Variants in PPP5C observed in about 807,000 individuals in gnomAD.
PPP5C encodes the protein serine/threonine-protein phosphatase 5.
A neutral mutation model predicts 66.7 loss-of-function variants in PPP5C; 21 were observed. That is an observed-to-expected ratio of 0.31 (90% confidence interval 0.22 to 0.45). The LOEUF (loss-of-function observed/expected upper bound fraction) is 0.45. Among genes scored for constraint, PPP5C ranks in the 20% least tolerant of loss-of-function variants. The pLI is 1.00. For missense variants in PPP5C, 464 were observed against 675.9 expected, an observed-to-expected ratio of 0.69 and a Z score of 3.48; for synonymous variants, 246 against 257.4, an observed-to-expected ratio of 0.96 and a Z score of 0.43.
At chr19:46,349,533 GT>G (rs1404223059) in intron 1 of PPP5C, among the ~76,000 whole-genome samples, 1 of 151,802 alleles carries the variant, frequency 6.6e-6, no homozygotes, top group Non-Finnish European at 1.5e-5. Context: ...TGAGAGGGAG[GT>G]AGGACCAGTG....
rs766975033 is a variant in PPP5C, at chr19:46,386,964, C to T, written c.905-129C>T. 47 of 1,325,906 alleles carry T rather than the reference C, an allele frequency of 3.5e-5. No homozygotes were observed. In the African/African-American group the frequency reaches 4.0e-4, roughly 11 times the overall value. 82.1% of individuals were successfully genotyped at this position (1,325,906 alleles called of 1,614,324 possible). On this transcript the variant is annotated intron_variant, in intron 7 of 12. Transcript: ENST00000012443. Reference sequence around the variant, plus strand: ...TTGGTACCTCCAGTCTGGAAGGCACCGCAGTGGCAAGTGCGAGGCCCATGG... The same window carrying T: ...TTGGTACCTCCAGTCTGGAAGGCACTGCAGTGGCAAGTGCGAGGCCCATGG...
chr19:46,385,862 T>C (rs866121955), intron 7 of PPP5C, among the ~76,000 whole-genome samples: 13 of 150,514 alleles, frequency 8.6e-5, no homozygotes, highest in African/African-American at 2.9e-4. Flanking sequence ...AAGGATTGCT[T>C]GAGCCCAGGA....
At chr19:46,368,698 T>G (rs1972532695) in intron 2 of PPP5C, among the ~76,000 whole-genome samples, 1 of 152,210 alleles carries the variant, frequency 6.6e-6, no homozygotes, top group African/African-American at 2.4e-5. Flanking sequence ...TACATAGATT[T>G]TACCCCTCAC....
In PPP5C at chr19:46,376,427, C is replaced by T. The variant is rs1300096988; in HGVS notation, c.512-26C>T. 1.2e-6 allele frequency: 2 copies of T among 1,610,848 alleles called. No individual in the cohort carries two copies. Among genetic ancestry groups the T allele is most frequent in the South Asian group, 1.1e-5 (1 of 90,796 alleles). On this transcript the variant is annotated intron_variant, in intron 3 of 12. Transcript: ENST00000012443. This position sits in a 1 kb window ranked among gnomAD's most constrained non-coding sequence, Gnocchi z 5.1. ...CTCATAGTGGCTGTGGTCACTGACT[C>T]TCGTGTCCCGTTGTTCACACCCTAG...
intron 2 of PPP5C, among the ~76,000 whole-genome samples, chr19:46,355,087 T>C (rs944487058): frequency 7.9e-5 from 12 of 152,166 alleles, no homozygotes; most frequent in Non-Finnish European, 1.8e-4. Context: ...AGGGGTGAAG[T>C]CACCTGCCCA....
At chr19:46,374,943 G>T (rs569130121) in intron 2 of PPP5C, among the ~76,000 whole-genome samples, 1 of 152,318 alleles carries the variant, frequency 6.6e-6, no homozygotes, top group South Asian at 2.1e-4. Flanking sequence ...GTGACCCTCA[G>T]TTCCTCTCTT....
intron 2 of PPP5C, among the ~76,000 whole-genome samples, chr19:46,367,137 G>A (rs1972504311): frequency 2.0e-5 from 3 of 152,136 alleles, no homozygotes; most frequent in Admixed American, 2.0e-4. Context: ...TTCACCAGAT[G>A]GTGTGAAAGC....
chr19:46,375,020 C>T lies in PPP5C; in HGVS notation c.364-584C>T, dbSNP rs558154935. Among the ~76,000 whole-genome samples, 4 of 152,342 alleles carry T rather than the reference C, an allele frequency of 2.6e-5. No homozygotes were observed. In the South Asian group the frequency reaches 6.2e-4, roughly 24 times the overall value. On this transcript the variant is annotated intron_variant, in intron 2 of 12. Coordinates refer to ENST00000012443, the MANE Select transcript of PPP5C (RefSeq NM_006247.4). ...AGAGTGTGAGGGAGGGAAGTAACAG[C>T]ACTCGGTGCTGCTGCCCACCTGCCC...
intron 6 of PPP5C, chr19:46,384,288 T>C: frequency 3.8e-6 from 1 of 265,404 alleles, no homozygotes; most frequent in Non-Finnish European, 7.3e-6. Context: ...AGAGGGATAA[T>C]AATATGTGCA....
intron 1 of PPP5C, among the ~76,000 whole-genome samples, chr19:46,348,948 G>A (rs1400806500): frequency 6.6e-6 from 1 of 152,200 alleles, no homozygotes; most frequent in Non-Finnish European, 1.5e-5. Flanking sequence ...TTATTGGGGA[G>A]TGATGGGGGT....
chr19:46,378,303 A>G (rs2037517458), intron 4 of PPP5C, among the ~76,000 whole-genome samples: 1 of 152,106 alleles, frequency 6.6e-6, no homozygotes, highest in African/African-American at 2.4e-5. Context: ...ATATTTGGGG[A>G]CTTCTAGATG....
At chr19:46,351,395 T>A (rs1972181374) in intron 1 of PPP5C, among the ~76,000 whole-genome samples, 1 of 152,212 alleles carries the variant, frequency 6.6e-6, no homozygotes, top group South Asian at 2.1e-4. Context: ...ACTTCCTCCC[T>A]TCATTTAGTC....
chr19:46,354,031 A>G (rs771741480), intron 2 of PPP5C, 42 bp downstream of exon 2: 17 of 1,600,720 alleles, frequency 1.1e-5, no homozygotes, highest in Non-Finnish European at 1.4e-5. Flanking sequence ...TGAGCCAGGC[A>G]GATACTGAGG....
intron 2 of PPP5C, among the ~76,000 whole-genome samples, chr19:46,375,100 G>A (rs1972668483): frequency 1.3e-5 from 2 of 152,218 alleles, no homozygotes; most frequent in South Asian, 4.1e-4. Flanking sequence ...CCCTGGCAGG[G>A]GAGCCCTGTG....
Position 46,375,684 on chromosome 19 carries a change from T to A in PPP5C, c.444T>A (p.Phe148Leu). 1.2e-6 allele frequency: 2 copies of A among 1,613,620 alleles called. No individual in the cohort carries two copies. The highest frequency in any genetic ancestry group is 1.7e-6 in the Non-Finnish European group (2 of 1,179,706). Reference protein sequence around the residue: ...ECNKIVKQKAFERAIAGDEHK... With the variant: ...ECNKIVKQKALERAIAGDEHK... ...ACAAGATCGTGAAGCAGAAGGCCTT[T>A]GAGCGGGCCATCGCGGGCGACGAGC... The change falls in exon 3 of 13, where the codon TTT becomes TTA. Residue 148 changes from phenylalanine (F) to leucine (L), a missense_variant. Physicochemically the swap from Phe to Leu is conservative, Grantham distance 22 (BLOSUM62 0). Coordinates refer to ENST00000012443, the MANE Select transcript of PPP5C (RefSeq NM_006247.4).
intron 12 of PPP5C, 70 bp downstream of exon 12, chr19:46,390,202 A>G: frequency 1.2e-6 from 2 of 1,608,882 alleles, no homozygotes; most frequent in Non-Finnish European, 1.7e-6. Flanking sequence ...GACCCTGGTA[A>G]GGGGCAGGGG....
intron 2 of PPP5C, among the ~76,000 whole-genome samples, chr19:46,374,232 A>G (rs928096924): frequency 6.6e-6 from 1 of 152,128 alleles, no homozygotes; most frequent in Non-Finnish European, 1.5e-5. Context: ...TGTTTCCAGC[A>G]TGGATGAGCC....
intron 2 of PPP5C, among the ~76,000 whole-genome samples, chr19:46,369,813 C>T (rs532363956): frequency 6.6e-6 from 1 of 151,302 alleles, no homozygotes; most frequent in South Asian, 2.1e-4. Context: ...GTAATCCCAG[C>T]TACTCGGGAG....
intron 2 of PPP5C, among the ~76,000 whole-genome samples, chr19:46,370,282 A>G (rs1972565065): frequency 6.6e-6 from 1 of 152,224 alleles, no homozygotes; most frequent in Non-Finnish European, 1.5e-5. Context: ...CTTATTCTGT[A>G]AGCTTTTTTC....
Sources: allele counts gnomAD v4.1 joint callset (sites outside exome capture counted in the v4.1 genomes callset), GRCh38; gene constraint gnomAD v4.1.1; non-coding constraint Gnocchi (gnomAD v3.1); transcripts MANE v1.5; gene names NCBI Gene and HGNC (gene_info 2026-07-23, HGNC 2026-07-21).